ACSS1: variants seen among roughly 807,000 people sequenced by gnomAD.
ACSS1 encodes the protein acetyl-coenzyme A synthetase 2-like, mitochondrial.
A neutral mutation model predicts 75.3 loss-of-function variants in ACSS1; 42 were observed. The ratio of observed to expected loss-of-function variants is 0.56; its 90% CI spans 0.44 to 0.72. ACSS1 has a LOEUF of 0.72. Among genes scored for constraint, ACSS1 ranks in the 30% least tolerant of loss-of-function variants. The probability of loss-of-function intolerance (pLI) is 0.00; values close to 1 mark genes in which losing one functional copy is unlikely to be tolerated. For missense variants in ACSS1, 782 were observed against 935.7 expected, an observed-to-expected ratio of 0.84 and a Z score of 2.14; for synonymous variants, 380 against 376.8, an observed-to-expected ratio of 1.01 and a Z score of -0.10.
chr20:25,041,491 T>C (rs1209234795), intron 2 of ACSS1, among the ~76,000 whole-genome samples: 2 of 152,112 alleles, frequency 1.3e-5, no homozygotes, highest in African/African-American at 2.4e-5. Context: ...GCAGCCCTTG[T>C]CCCCAGGCCA....
At position 25,015,098 on chromosome 20, in the gene ACSS1, C is replaced by A. The variant is rs748914945; in HGVS notation, c.1339+40G>T. ...CAGCCTCACACCTGACCCTGCAGAC[C>A]CAGCACTTAGACCGGAACCTGTTCC... On this transcript the variant is annotated intron_variant, in intron 8 of 13. Coordinates refer to ENST00000323482, the MANE Select transcript of ACSS1 (RefSeq NM_032501.4). 7 of 1,567,206 alleles carry A rather than the reference C, an allele frequency of 4.5e-6. No individual in the cohort carries two copies. In the South Asian group the frequency reaches 8.0e-5, roughly 18 times the overall value.
intron 1 of ACSS1, among the ~76,000 whole-genome samples, chr20:25,050,301 G>A (rs1163360886): frequency 6.6e-6 from 1 of 152,058 alleles, no homozygotes; most frequent in Non-Finnish European, 1.5e-5. Context: ...CCTACACCCC[G>A]CTGCCTGCCT....
chr20:25,045,657 G>T (rs4392331), intron 2 of ACSS1, among the ~76,000 whole-genome samples: 1,809 of 152,334 alleles, frequency 0.012, 36 homozygotes, highest in African/African-American at 0.042. Flanking sequence ...CGAGGCCCAT[G>T]GGCAGAAAAG....
chr20:25,047,432 C>T (rs997199360), intron 2 of ACSS1, among the ~76,000 whole-genome samples: 4 of 152,232 alleles, frequency 2.6e-5, no homozygotes, highest in Admixed American at 6.5e-5. Context: ...CAGCCACACT[C>T]TGCCATGTGC....
At chr20:25,026,907 GC>G (rs1220642233) in intron 3 of ACSS1, among the ~76,000 whole-genome samples, 1 of 152,240 alleles carries the variant, frequency 6.6e-6, no homozygotes, top group Non-Finnish European at 1.5e-5. Context: ...AGCTGCCCCA[GC>G]ATCCAGCTAC....
chr20:25,047,706 C>T lies in ACSS1; in HGVS notation c.431+379G>A, dbSNP rs546154785. On this transcript the variant is annotated intron_variant, in intron 2 of 13. Coordinates refer to ENST00000323482, the MANE Select transcript of ACSS1 (RefSeq NM_032501.4). ...AGGTGCTGCACCAACACAGCAGCCC[C>T]TACAGGAAGCAGCTTGGGGAAGGCC... 2.3e-4 allele frequency among the ~76,000 whole-genome samples: 35 copies of T among 152,258 alleles called. 1 individual carries two copies. In the South Asian group the frequency reaches 7.3e-3, roughly 32 times the overall value.
chr20:25,056,888 C>T (rs2089249860), intron 1 of ACSS1, among the ~76,000 whole-genome samples: 1 of 152,180 alleles, frequency 6.6e-6, no homozygotes, highest in Non-Finnish European at 1.5e-5. Flanking sequence ...CCACCTCGCA[C>T]TTGGCACCCA....
rs189178501 is a variant in ACSS1 at position 25,018,414 on chromosome 20, T to C, written c.1246+1596A>G. ...TACAGCAGCACAAAGCAAACTAAGA[T>C]TCACCATCTAGAAAGGAACCCCATA... is the stretch of plus-strand genomic sequence containing the variant. On this transcript the variant is annotated intron_variant, in intron 7 of 13. Coordinates refer to ENST00000323482, the MANE Select transcript of ACSS1 (RefSeq NM_032501.4). Among the ~76,000 whole-genome samples, 239 of 152,302 alleles carry C rather than the reference T, an allele frequency of 1.6e-3. 1 individual carries two copies. Among genetic ancestry groups the C allele is most frequent in the African/African-American group, 5.4e-3 (225 of 41,572 alleles).
intron 1 of ACSS1, among the ~76,000 whole-genome samples, chr20:25,053,708 A>G (rs530693599): frequency 6.6e-6 from 1 of 152,314 alleles, no homozygotes; most frequent in Admixed American, 6.5e-5. Flanking sequence ...CAGCAAACAC[A>G]GAGGAACTAC....
rs2088892094 is a variant in ACSS1, at chr20:25,035,331, G to A, written c.432-4373C>T. On this transcript the variant is annotated intron_variant, in intron 2 of 13. Transcript: ENST00000323482. ...TTGCTCCTATTATGGCCATGGAAAT[G>A]TTTTGTGTTTTTTTAAAGCAGGCTT... Among the ~76,000 whole-genome samples, 3 of 151,834 alleles carry A rather than the reference G, an allele frequency of 2.0e-5. No homozygotes were observed. The South Asian group carries it at 6.2e-4, about 32-fold the overall frequency.
At chr20:25,023,934 G>A (rs1241042337) in intron 3 of ACSS1, among the ~76,000 whole-genome samples, 1 of 152,152 alleles carries the variant, frequency 6.6e-6, no homozygotes, top group Non-Finnish European at 1.5e-5. Flanking sequence ...TTCCCAACCA[G>A]ACTTCCACCT....
chr20:25,008,680 C>T (rs576749366), intron 13 of ACSS1, among the ~76,000 whole-genome samples: 1 of 152,294 alleles, frequency 6.6e-6, no homozygotes, highest in Non-Finnish European at 1.5e-5. Context: ...GATTCTGACC[C>T]CCTGGGTTGG....
chr20:25,057,078 C>T (rs2089252182), intron 1 of ACSS1, among the ~76,000 whole-genome samples: 1 of 152,242 alleles, frequency 6.6e-6, no homozygotes, highest in African/African-American at 2.4e-5. Flanking sequence ...GGGCCGACGT[C>T]AGACCCCGCG....
intron 7 of ACSS1, among the ~76,000 whole-genome samples, chr20:25,018,067 A>C (rs912804233): frequency 1.3e-5 from 2 of 152,182 alleles, no homozygotes; most frequent in African/African-American, 2.4e-5. Context: ...CTCACCACTT[A>C]TTATGGTTTG....
At chr20:25,019,534 T>A (rs2088579592) in intron 7 of ACSS1, among the ~76,000 whole-genome samples, 2 of 152,194 alleles carry the variant, frequency 1.3e-5, no homozygotes, top group African/African-American at 4.8e-5. Flanking sequence ...TTACTATTAT[T>A]TAGACGACTG....
chr20:25,016,845 C>T (rs1031664526), intron 7 of ACSS1, among the ~76,000 whole-genome samples: 12 of 152,202 alleles, frequency 7.9e-5, no homozygotes, highest in African/African-American at 2.2e-4. Context: ...CATCATAGCA[C>T]GGTGTGGTAA....
At chr20:25,014,793 G>A (rs540619111) in intron 8 of ACSS1, among the ~76,000 whole-genome samples, 14 of 152,312 alleles carry the variant, frequency 9.2e-5, no homozygotes, top group South Asian at 4.1e-4. Context: ...GGGGCACTAG[G>A]AAGGGACACG....
chr20:25,028,303 A>T (rs2088763662), intron 3 of ACSS1, among the ~76,000 whole-genome samples: 1 of 152,218 alleles, frequency 6.6e-6, no homozygotes, highest in Non-Finnish European at 1.5e-5. Context: ...AGCCAAAACA[A>T]TCTTGAAAAA....
chr20:25,029,972 A>G (rs1013726729), intron 3 of ACSS1, among the ~76,000 whole-genome samples: 3 of 152,214 alleles, frequency 2.0e-5, no homozygotes, highest in Non-Finnish European at 2.9e-5. Context: ...GAGGAAGAAA[A>G]AGAGAAAGAG....
Sources: allele counts gnomAD v4.1 joint callset (sites outside exome capture counted in the v4.1 genomes callset), GRCh38; gene constraint gnomAD v4.1.1; transcripts MANE v1.5; gene names NCBI Gene and HGNC (gene_info 2026-07-23, HGNC 2026-07-21).